Variants in C10orf90 observed in about 807,000 individuals in gnomAD.
C10orf90 encodes (E2-independent) E3 ubiquitin-conjugating enzyme FATS.
In C10orf90, 56 loss-of-function variants were observed where a neutral mutation model predicts 62.5. The observed-to-expected ratio is 0.90, with a 90% confidence interval of 0.72 to 1.12. C10orf90 has a LOEUF of 1.12. Ranked by LOEUF, C10orf90 falls within the 50% of genes most tolerant of loss-of-function variation. The pLI, the probability that C10orf90 is intolerant of heterozygous loss-of-function variation, is 0.00. For missense variants in C10orf90, 970 were observed against 880.4 expected (o/e 1.10, Z -1.29); for synonymous variants, 386 against 340.4 (o/e 1.13, Z -1.47).
In C10orf90 at chr10:126,571,854, T is replaced by A. The variant is rs529333057; in HGVS notation, c.314-57915A>T. On this transcript the variant is annotated intron_variant, in intron 2 of 9. Coordinates refer to ENST00000488181, the MANE Select transcript of C10orf90 (RefSeq NM_001350921.2). Reference sequence around the variant, plus strand: ...GCTACCAAACCTCAAGGGGCACCAATCACACCTAACAATGCAGGTAGTCAG... The same window carrying A: ...GCTACCAAACCTCAAGGGGCACCAAACACACCTAACAATGCAGGTAGTCAG... 2.6e-5 allele frequency among the ~76,000 whole-genome samples: 4 copies of A among 152,190 alleles called. No homozygotes were observed. In the East Asian group the frequency reaches 5.8e-4, roughly 22 times the overall value.
intron 2 of C10orf90, among the ~76,000 whole-genome samples, chr10:126,535,139 A>G (rs1864197340): frequency 6.6e-6 from 1 of 152,104 alleles, no homozygotes; most frequent in Non-Finnish European, 1.5e-5. Context: ...ACATACACAC[A>G]CACATACATA....
chr10:126,482,851 A>C (rs1360201380), intron 4 of C10orf90, among the ~76,000 whole-genome samples: 1 of 152,192 alleles, frequency 6.6e-6, no homozygotes, highest in Non-Finnish European at 1.5e-5. Flanking sequence ...TTGCAGGAAA[A>C]AAGAATCCAA....
chr10:126,589,106 C>T (rs1844930986), intron 2 of C10orf90, among the ~76,000 whole-genome samples: 1 of 152,110 alleles, frequency 6.6e-6, no homozygotes. Flanking sequence ...GAAAGAATCT[C>T]AGAGCTTGAA....
At chr10:126,486,514 C>T (rs1861443795) in intron 4 of C10orf90, among the ~76,000 whole-genome samples, 1 of 152,052 alleles carries the variant, frequency 6.6e-6, no homozygotes, top group African/African-American at 2.4e-5. Context: ...ATAAAAAATA[C>T]ATAAAAATAT....
intron 2 of C10orf90, among the ~76,000 whole-genome samples, chr10:126,516,660 A>G (rs1468766694): frequency 1.3e-5 from 2 of 152,238 alleles, no homozygotes; most frequent in Non-Finnish European, 2.9e-5. Context: ...CCATGATCAG[A>G]TACACAAAGG....
rs116631281 is a variant in C10orf90 at position 126,591,053 on chromosome 10, T to C, written c.313+55512A>G. Reference sequence around the variant, plus strand: ...TTTCTGAAATTAAAGCAGTAATCAATAGGCTACCAACCAAAAAAACAGCCC... The same window carrying C: ...TTTCTGAAATTAAAGCAGTAATCAACAGGCTACCAACCAAAAAAACAGCCC... On this transcript the variant is annotated intron_variant, in intron 2 of 9. Transcript: ENST00000488181. Among the ~76,000 whole-genome samples the C allele has an allele frequency of 3.4e-3, 522 of 152,232 alleles. 6 individuals carry two copies. Among genetic ancestry groups the C allele is most frequent in the African/African-American group, 0.012 (499 of 41,536 alleles).
rs1335430374 is a variant in C10orf90 at position 126,504,695 on chromosome 10, C to T, written c.796G>A (p.Ala266Thr). 6.2e-7 allele frequency: 1 copy of T among 1,612,874 alleles called. No individual in the cohort carries two copies. Among genetic ancestry groups the T allele is most frequent in the Non-Finnish European group, 8.5e-7 (1 of 1,179,250 alleles). ...GGCGCCTGGAACAGTGTGTCCTCAG[C>T]CCTGCACTTGGGGCACAGAGAGTCC... ...AGDSLCPKCR[A>T]EDTLFQAPPA... is the part of the protein sequence containing the mutation. Residue 266 changes from alanine to threonine, a missense_variant, in exon 4 of 10, where the codon GCT (alanine) becomes ACT (threonine). Coordinates refer to ENST00000488181, the MANE Select transcript of C10orf90 (RefSeq NM_001350921.2). This position sits in a 1 kb window ranked among gnomAD's most constrained non-coding sequence, Gnocchi z 4.1.
intron 3 of C10orf90, among the ~76,000 whole-genome samples, chr10:126,512,478 T>C (rs574040425): frequency 2.0e-5 from 3 of 152,164 alleles, no homozygotes; most frequent in African/African-American, 7.2e-5. Context: ...TCAACATTAG[T>C]GACTAAACTC....
intron 1 of C10orf90, among the ~76,000 whole-genome samples, chr10:126,658,403 T>C (rs1304808333): frequency 6.6e-6 from 1 of 152,220 alleles, no homozygotes; most frequent in East Asian, 1.9e-4. Context: ...GGTAAAATTA[T>C]AGGAAGCAAT....
Position 126,643,513 on chromosome 10 carries a change from C to G in C10orf90, c.313+3052G>C, listed in dbSNP as rs559440828. 2.0e-5 allele frequency among the ~76,000 whole-genome samples: 3 copies of G among 152,314 alleles called. No homozygotes were observed. The East Asian group carries it at 5.8e-4, about 29-fold the overall frequency. ...CTAGCTCATCACCCCCAGGATTGGGCCTCTGGAAGTTGTACATCTAATATC... is the reference window on the plus strand; with the variant it reads ...CTAGCTCATCACCCCCAGGATTGGGGCTCTGGAAGTTGTACATCTAATATC... On this transcript the variant is annotated intron_variant, in intron 2 of 9. Coordinates refer to ENST00000488181, the MANE Select transcript of C10orf90 (RefSeq NM_001350921.2).
chr10:126,570,234 C>A (rs1291622858), intron 2 of C10orf90, among the ~76,000 whole-genome samples: 1 of 152,186 alleles, frequency 6.6e-6, no homozygotes, highest in Non-Finnish European at 1.5e-5. Context: ...TCCTTGGGGC[C>A]CCTGCCCCCT....
intron 3 of C10orf90, among the ~76,000 whole-genome samples, chr10:126,513,492 C>T (rs1158762705): frequency 1.3e-5 from 2 of 152,176 alleles, no homozygotes; most frequent in South Asian, 4.1e-4. Context: ...ACCACTGACA[C>T]TTTTTGCAGT....
chr10:126,615,303 G>C (rs1457574445), intron 2 of C10orf90, among the ~76,000 whole-genome samples: 1 of 152,180 alleles, frequency 6.6e-6, no homozygotes, highest in Non-Finnish European at 1.5e-5. Context: ...TAATTCATTG[G>C]AGGCCACTTC....
chr10:126,545,197 C>T (rs1459755157), intron 2 of C10orf90, among the ~76,000 whole-genome samples: 3 of 152,104 alleles, frequency 2.0e-5, no homozygotes, highest in African/African-American at 7.2e-5. Context: ...CTCTCATCCT[C>T]CGGAGCCAGG....
In C10orf90 at chr10:126,507,171, C is replaced by T. The variant is rs184410426; in HGVS notation, c.406-2086G>A. Among the ~76,000 whole-genome samples, 1,083 of 152,138 alleles carry T rather than the reference C, an allele frequency of 7.1e-3. 17 individuals are homozygous for T. The highest frequency in any genetic ancestry group is 0.024 in the African/African-American group (978 of 41,508). On this transcript the variant is annotated intron_variant, in intron 3 of 9. Coordinates refer to ENST00000488181, the MANE Select transcript of C10orf90 (RefSeq NM_001350921.2). ...AGGAGATTAAGACAATCCTGGCTAA[C>T]ACGGTGAAACTCTGTCTCTACTAAA... is the stretch of plus-strand genomic sequence containing the variant.
chr10:126,533,060 G>T (rs1864147010), intron 2 of C10orf90, among the ~76,000 whole-genome samples: 1 of 151,018 alleles, frequency 6.6e-6, no homozygotes, highest in Non-Finnish European at 1.5e-5. Flanking sequence ...AGCCTCCGGA[G>T]TAGCTGGGAC....
intron 1 of C10orf90, among the ~76,000 whole-genome samples, chr10:126,660,347 T>G (rs1350443717): frequency 6.6e-6 from 1 of 152,240 alleles, no homozygotes; most frequent in Non-Finnish European, 1.5e-5. Context: ...CAGGTGAGCC[T>G]TTTATAGAAG....
rs1051193182 is a variant in C10orf90 at position 126,456,245 on chromosome 10, G to A, written c.2188+2795C>T. On this transcript the variant is annotated intron_variant, in intron 7 of 9. Coordinates refer to ENST00000488181, the MANE Select transcript of C10orf90 (RefSeq NM_001350921.2). This position sits in a 1 kb window ranked among gnomAD's most constrained non-coding sequence, Gnocchi z 4.9. ...TCTTCTCACTTGCCCGAGCTTGTAT[G>A]AGGCTCTGGTTTCAGAGGCTGTCTG... Among the ~76,000 whole-genome samples, 3 of 152,208 alleles carry A rather than the reference G, an allele frequency of 2.0e-5. No individual in the cohort carries two copies. Among genetic ancestry groups the A allele is most frequent in the African/African-American group, 7.2e-5 (3 of 41,444 alleles).
At chr10:126,583,150 C>T (rs79442067) in intron 2 of C10orf90, among the ~76,000 whole-genome samples, 551 of 152,286 alleles carry the variant, frequency 3.6e-3, no homozygotes, top group Non-Finnish European at 6.5e-3. Flanking sequence ...GGGGACAAAA[C>T]CACCCCGTCA....
Sources: gnomAD v4.1 joint callset for allele counts (sites outside exome capture counted in the v4.1 genomes callset) on GRCh38, gnomAD v4.1.1 for gene constraint, Gnocchi (gnomAD v3.1) non-coding constraint, MANE v1.5 for transcripts, NCBI Gene and HGNC (gene_info 2026-07-23, HGNC 2026-07-21) for gene names.